The following CLDN10 variants were observed in gnomAD, a reference collection of about 807,000 sequenced individuals.
CLDN10 encodes the protein claudin-10.
A neutral mutation model predicts 22.9 loss-of-function variants in CLDN10; 15 were observed. The ratio of observed to expected loss-of-function variants is 0.65; its 90% CI spans 0.44 to 1.01. The LOEUF is 1.01. CLDN10 is among the 50% of genes least tolerant of loss of function. CLDN10 has a pLI of 0.00. For synonymous variants in CLDN10, 114 were observed against 111.4 expected (o/e 1.02, Z -0.15); for missense variants, 247 against 287.8 (o/e 0.86, Z 1.03).
At chr13:95,473,192 G>A (rs1187889107) in intron 1 of CLDN10, among the ~76,000 whole-genome samples, 3 of 149,918 alleles carry the variant, frequency 2.0e-5, no homozygotes, top group Admixed American at 6.6e-5. Context: ...GTCTCTCTTT[G>A]GGCATTGGGT....
intron 1 of CLDN10, among the ~76,000 whole-genome samples, chr13:95,460,505 G>A (rs1459790688): frequency 6.6e-6 from 1 of 152,014 alleles, no homozygotes; most frequent in Non-Finnish European, 1.5e-5. Flanking sequence ...TCTTCACATG[G>A]CAAAAAGGAA....
chr13:95,512,886 T>C (rs1214452112), intron 1 of CLDN10, among the ~76,000 whole-genome samples: 2 of 152,192 alleles, frequency 1.3e-5, no homozygotes, highest in Non-Finnish European at 2.9e-5. Flanking sequence ...TTTTTATTTA[T>C]TTATTTTGAG....
chr13:95,492,446 G>A (rs546577809), intron 1 of CLDN10, among the ~76,000 whole-genome samples: 2 of 152,134 alleles, frequency 1.3e-5, no homozygotes, highest in African/African-American at 2.4e-5. Context: ...GGGAAGTTGG[G>A]GAAGGCTGGC....
chr13:95,451,995 C>G (rs1000521348), intron 1 of CLDN10, among the ~76,000 whole-genome samples: 1 of 152,220 alleles, frequency 6.6e-6, no homozygotes, highest in Non-Finnish European at 1.5e-5. Context: ...ATCTCTTGCT[C>G]TTAGCGGCTC....
chr13:95,482,245 A>C (rs2138497052), intron 1 of CLDN10, among the ~76,000 whole-genome samples: 1 of 152,342 alleles, frequency 6.6e-6, no homozygotes, highest in African/African-American at 2.4e-5. Context: ...AAAAATTTAC[A>C]AAAGATTTTT....
chr13:95,483,739 C>G (rs902763527), intron 1 of CLDN10, among the ~76,000 whole-genome samples: 1 of 152,214 alleles, frequency 6.6e-6, no homozygotes, highest in Non-Finnish European at 1.5e-5. Flanking sequence ...CATGGCTGAG[C>G]TGGCCAAGCC....
At chr13:95,571,377 T>A (rs890972217) in intron 3 of CLDN10, among the ~76,000 whole-genome samples, 3 of 152,334 alleles carry the variant, frequency 2.0e-5, no homozygotes, top group Admixed American at 6.5e-5. Flanking sequence ...AGTTTCCATA[T>A]ATAAGTAGAC....
chr13:95,504,725 A>G (rs2043020740), intron 1 of CLDN10, among the ~76,000 whole-genome samples: 1 of 152,024 alleles, frequency 6.6e-6, no homozygotes, highest in South Asian at 2.1e-4. Flanking sequence ...TTTTATAGGG[A>G]TATGATCTCA....
intron 1 of CLDN10, among the ~76,000 whole-genome samples, chr13:95,510,139 T>A (rs1296300636): frequency 6.6e-6 from 1 of 152,250 alleles, no homozygotes; most frequent in Non-Finnish European, 1.5e-5. Context: ...ATGAGTCACA[T>A]TTAATGTGGT....
At chr13:95,505,749 C>CTTTTTTTTT (rs34828390) in intron 1 of CLDN10, among the ~76,000 whole-genome samples, 2 of 103,738 alleles carry the variant, frequency 1.9e-5, no homozygotes, top group African/African-American at 3.6e-5. Context: ...CCTTCCCTTT[C>CTTTTTTTTT]TTTTTTTTTT....
chr13:95,447,862 G>T (rs2139073863), intron 1 of CLDN10, among the ~76,000 whole-genome samples: 1 of 152,164 alleles, frequency 6.6e-6, no homozygotes, highest in East Asian at 1.9e-4. Flanking sequence ...GTGACAGCAG[G>T]TGTGGAGCCC....
chr13:95,515,735 T>C (rs1276757463), intron 1 of CLDN10, among the ~76,000 whole-genome samples: 1 of 152,216 alleles, frequency 6.6e-6, no homozygotes, highest in East Asian at 1.9e-4. Context: ...TGCTTGATGA[T>C]GGCTTGTAGA....
intron 1 of CLDN10, among the ~76,000 whole-genome samples, chr13:95,444,147 C>T (rs1002745817): frequency 2.0e-5 from 3 of 152,202 alleles, no homozygotes; most frequent in African/African-American, 7.2e-5. Flanking sequence ...CAGCTTTCCT[C>T]GCGCCTCACA....
chr13:95,475,742 C>T (rs1296265394), intron 1 of CLDN10, among the ~76,000 whole-genome samples: 1 of 152,136 alleles, frequency 6.6e-6, no homozygotes, highest in Non-Finnish European at 1.5e-5. Context: ...TCCTCATGTG[C>T]TCTCATGATC....
chr13:95,577,464 G>A, intron 4 of CLDN10, 126 bp downstream of exon 4: 1 of 683,130 alleles, frequency 1.5e-6, no homozygotes, highest in Non-Finnish European at 2.5e-6. Context: ...ATTGGAAAAG[G>A]TTAGCAGTAC....
rs771037194 is a variant in CLDN10, at chr13:95,552,881, C to T, written c.128C>T (p.Ala43Val). The T allele has an allele frequency of 6.2e-7, 1 of 1,614,126 alleles. No individual in the cohort carries two copies. The highest frequency in any genetic ancestry group is 1.1e-5 in the South Asian group (1 of 91,080). Reference sequence around the variant, plus strand: ...ATCGACGGCACGGTCATCACAACCGCCACCTATTGGGCCAACCTGTGGAAG... The same window carrying T: ...ATCGACGGCACGGTCATCACAACCGTCACCTATTGGGCCAACCTGTGGAAG... ...STIDGTVITT[A>V]TYWANLWKAC... Residue 43 changes from alanine (A) to valine (V), a missense_variant, in exon 1 of 5, where the codon GCC (alanine) becomes GTC (valine). Physicochemically the swap from Ala to Val is moderately conservative, Grantham distance 64 (BLOSUM62 0). Transcript: ENST00000299339.
intron 1 of CLDN10, among the ~76,000 whole-genome samples, chr13:95,554,077 A>G (rs2043603280): frequency 1.3e-5 from 2 of 152,228 alleles, no homozygotes; most frequent in African/African-American, 2.4e-5. Context: ...CACGAAGAGC[A>G]AACTGTTGCT....
intron 1 of CLDN10, among the ~76,000 whole-genome samples, chr13:95,467,549 T>G (rs959136921): frequency 6.6e-6 from 1 of 152,180 alleles, no homozygotes; most frequent in Non-Finnish European, 1.5e-5. Flanking sequence ...AATTTATTTG[T>G]TGATGAGTAA....
intron 1 of CLDN10, among the ~76,000 whole-genome samples, chr13:95,439,059 C>T (rs148231653): frequency 4.6e-4 from 69 of 150,632 alleles, no homozygotes; most frequent in Non-Finnish European, 7.5e-4. Flanking sequence ...GGTTTATTCA[C>T]ATCTAGGGAA....
Sources: gnomAD v4.1 joint callset for allele counts (sites outside exome capture counted in the v4.1 genomes callset) on GRCh38, gnomAD v4.1.1 for gene constraint, MANE v1.5 for transcripts, NCBI Gene and HGNC (gene_info 2026-07-23, HGNC 2026-07-21) for gene names.